DNAH11: variants seen among roughly 807,000 people sequenced by gnomAD.
DNAH11 encodes axonemal beta dynein heavy chain 11.
In DNAH11, 442 loss-of-function variants were observed where a neutral mutation model predicts 526.0. The observed-to-expected ratio is 0.84, with a 90% CI of 0.78 to 0.91. The LOEUF is 0.91. Ranked by LOEUF, DNAH11 falls within the 40% of genes least tolerant of loss-of-function variation. DNAH11 has a pLI of 0.00. For missense variants in DNAH11, 6,989 were observed against 5,448.7 expected, an observed-to-expected ratio of 1.28 and a Z score of -8.90; for synonymous variants, 2,461 against 1,935.9, an observed-to-expected ratio of 1.27 and a Z score of -7.12.
At chr7:21,810,902 G>A (rs1221801198) in intron 63 of DNAH11, among the ~76,000 whole-genome samples, 1 of 152,084 alleles carries the variant, frequency 6.6e-6, no homozygotes, top group Non-Finnish European at 1.5e-5. Flanking sequence ...ACACAGAATT[G>A]CCACATGATC....
intron 65 of DNAH11, among the ~76,000 whole-genome samples, chr7:21,828,347 C>T (rs2128006989): frequency 6.6e-6 from 1 of 152,276 alleles, no homozygotes; most frequent in East Asian, 1.9e-4. Context: ...TTCATGCTCT[C>T]CTATAATAGA....
At chr7:21,690,215 A>G (rs1432205259) in intron 34 of DNAH11, among the ~76,000 whole-genome samples, 1 of 152,226 alleles carries the variant, frequency 6.6e-6, no homozygotes, top group Non-Finnish European at 1.5e-5. Flanking sequence ...ACTTGCCTAA[A>G]AGGGATATGC....
At chr7:21,840,319 CAATA>C (rs1782157165) in intron 65 of DNAH11, among the ~76,000 whole-genome samples, 1 of 152,128 alleles carries the variant, frequency 6.6e-6, no homozygotes, top group Non-Finnish European at 1.5e-5. Context: ...ATGAGATAGG[CAATA>C]AATATTTTTT....
intron 74 of DNAH11, among the ~76,000 whole-genome samples, chr7:21,874,924 C>T (rs970677616): frequency 1.3e-5 from 2 of 152,096 alleles, no homozygotes; most frequent in African/African-American, 4.8e-5. Context: ...GATAAATATT[C>T]AGCCCCCTCT....
At chr7:21,701,098 AAACAACAAC>A (rs370170241) in intron 36 of DNAH11, among the ~76,000 whole-genome samples, 12 of 151,916 alleles carry the variant, frequency 7.9e-5, no homozygotes, top group Admixed American at 2.6e-4. Context: ...CCCGAAACTT[AAACAACAAC>A]AACAACAACA....
intron 22 of DNAH11, among the ~76,000 whole-genome samples, chr7:21,616,680 T>A (rs1207549233): frequency 1.3e-5 from 2 of 152,316 alleles, no homozygotes; most frequent in East Asian, 1.9e-4. Flanking sequence ...TTGGGGCAAC[T>A]AATAGGAGCA....
intron 20 of DNAH11, among the ~76,000 whole-genome samples, chr7:21,613,635 A>G (rs1785633722): frequency 3.3e-5 from 5 of 152,234 alleles, no homozygotes; most frequent in Admixed American, 2.6e-4. Flanking sequence ...ACTATAGTTA[A>G]TAGCAACGTA....
chr7:21,601,671 A>C, intron 18 of DNAH11, 53 bp downstream of exon 18: 2 of 1,342,120 alleles, frequency 1.5e-6, no homozygotes, highest in Non-Finnish European at 2.0e-6. Context: ...CATCTCTTTT[A>C]TTAAAGTACT....
rs376094184 is a variant in DNAH11, at chr7:21,750,334, C to A, written c.8910C>A (p.Phe2970Leu). ...ACTCCAGGGAAAACTGTTGGAAATT[C>A]TTTATGGCCAGGGTGCGACTACAGC... ...MVDSRENCWK[F>L]FMARVRLQLK... The change falls in exon 54 of 82, where the codon TTC becomes TTA. Residue 2970 changes from phenylalanine to leucine, a missense_variant. Coordinates refer to ENST00000409508, the MANE Select transcript of DNAH11 (RefSeq NM_001277115.2). 5 of 1,605,528 alleles carry A rather than the reference C, an allele frequency of 3.1e-6. No individual in the cohort carries two copies. The highest frequency in any genetic ancestry group is 4.3e-6 in the Non-Finnish European group (5 of 1,175,896).
At chr7:21,655,571 A>G (rs1234626810) in intron 28 of DNAH11, among the ~76,000 whole-genome samples, 1 of 152,222 alleles carries the variant, frequency 6.6e-6, no homozygotes, top group Non-Finnish European at 1.5e-5. Flanking sequence ...GCATCCAGTC[A>G]TCAAGTAGAA....
At chr7:21,856,213 A>G (rs1562586832) in intron 68 of DNAH11, among the ~76,000 whole-genome samples, 2 of 152,174 alleles carry the variant, frequency 1.3e-5, no homozygotes, top group Non-Finnish European at 2.9e-5. Flanking sequence ...TGCAACAAGA[A>G]GCCATTGGAA....
intron 55 of DNAH11, among the ~76,000 whole-genome samples, chr7:21,768,557 T>C (rs1004809609): frequency 9.2e-5 from 14 of 152,158 alleles, no homozygotes. Context: ...GACCAACCGA[T>C]GAGTTAAAAT....
chr7:21,856,720 GAA>G (rs563050890), intron 68 of DNAH11, among the ~76,000 whole-genome samples: 3 of 150,812 alleles, frequency 2.0e-5, no homozygotes, highest in African/African-American at 7.3e-5. Context: ...CAGAATAAAA[GAA>G]AAAAAAGCTC....
chr7:21,831,537 A>G (rs1334665697), intron 65 of DNAH11, among the ~76,000 whole-genome samples: 1 of 152,204 alleles, frequency 6.6e-6, no homozygotes, highest in East Asian at 1.9e-4. Flanking sequence ...TCAGAGCAAG[A>G]TGTAAAACCC....
chr7:21,655,364 C>G (rs2128464907), intron 28 of DNAH11, among the ~76,000 whole-genome samples: 2 of 152,292 alleles, frequency 1.3e-5, no homozygotes, highest in Middle Eastern at 6.8e-3. Context: ...ACCAAAGTAT[C>G]AAGGCAAGTG....
At chr7:21,784,207 A>G (rs1249780290) in intron 57 of DNAH11, among the ~76,000 whole-genome samples, 1 of 152,172 alleles carries the variant, frequency 6.6e-6, no homozygotes, top group Non-Finnish European at 1.5e-5. Flanking sequence ...ACTTGAATCC[A>G]TTTATGTTGA....
Position 21,742,017 on chromosome 7 carries a change from C to T in DNAH11, c.8005C>T (p.Gln2669Ter). 6.2e-7 allele frequency: 1 copy of T among 1,613,922 alleles called. No individual in the cohort carries two copies. Among genetic ancestry groups the T allele is most frequent in the Non-Finnish European group, 8.5e-7 (1 of 1,179,858 alleles). ...GQIFSFHFQQ[Q>*]AFAPSILRSG... The stretch of plus-strand genomic sequence containing the variant: ...AATCTTTAGCTTCCATTTCCAACAG[C>T]AAGCATTTGCTCCATCAATTCTCAG... The change falls in exon 49 of 82, where the codon CAA (glutamine) becomes TAA (stop). Residue 2669 changes from glutamine to a stop codon, truncating the protein, a stop_gained. Transcript: ENST00000409508. LOFTEE classifies it high-confidence loss of function.
chr7:21,574,106 A>C (rs1783995817), intron 8 of DNAH11, among the ~76,000 whole-genome samples: 1 of 152,144 alleles, frequency 6.6e-6, no homozygotes, highest in Non-Finnish European at 1.5e-5. Flanking sequence ...TTTCTTTGAC[A>C]TCTTCTTAGG....
At chr7:21,639,614 A>C (rs955737417) in intron 28 of DNAH11, among the ~76,000 whole-genome samples, 1 of 152,244 alleles carries the variant, frequency 6.6e-6, no homozygotes, top group African/African-American at 2.4e-5. Context: ...GTCAATATTT[A>C]AAGCAAATAA....
Sources: allele counts gnomAD v4.1 joint callset (sites outside exome capture counted in the v4.1 genomes callset), GRCh38; gene constraint gnomAD v4.1.1; transcripts MANE v1.5; gene names NCBI Gene and HGNC (gene_info 2026-07-23, HGNC 2026-07-21).